Variants in ATP10A observed in about 807,000 individuals in gnomAD.
ATP10A encodes ATPase phospholipid transporting 10A (putative).
A neutral mutation model predicts 147.8 loss-of-function variants in ATP10A; 111 were observed. That is an observed-to-expected ratio of 0.75 (90% CI 0.64 to 0.88). The LOEUF (loss-of-function observed/expected upper bound fraction) is 0.88. ATP10A is among the 40% of genes least tolerant of loss of function. The pLI is 0.00. For missense variants in ATP10A, 1,927 were observed against 1,959.0 expected (o/e 0.98, Z 0.31); for synonymous variants, 875 against 841.6 (o/e 1.04, Z -0.69).
intron 1 of ATP10A, among the ~76,000 whole-genome samples, chr15:25,817,363 G>A (rs28643490): frequency 0.036 from 5,422 of 152,274 alleles, 203 homozygotes; most frequent in African/African-American, 0.097. Context: ...GATTGCAGGC[G>A]TGAGCCACCG....
rs28377484 is a variant in ATP10A at position 25,723,894 on chromosome 15, C to T, written c.1107G>A (p.Leu369=). The change falls in exon 6 of 21, where the codon CTG becomes CTA. Residue 369 remains leucine, a synonymous_variant. Coordinates refer to ENST00000555815, the MANE Select transcript of ATP10A (RefSeq NM_024490.4). The part of the protein sequence containing the change: ...VYSFLTMIIV[L]QVLIPISLYV... ...GTACGATACTTAGTATTGTTACCTGCAGAACTATTATCATTGTTAAAAATG... is the reference window on the plus strand; with the variant it reads ...GTACGATACTTAGTATTGTTACCTGTAGAACTATTATCATTGTTAAAAATG... 1.6e-3 allele frequency: 2,512 copies of T among 1,597,462 alleles called. 36 individuals are homozygous for T. The African/African-American group carries it at 0.025, about 16-fold the overall frequency.
At chr15:25,760,842 T>C (rs1888722796) in intron 2 of ATP10A, among the ~76,000 whole-genome samples, 1 of 152,166 alleles carries the variant, frequency 6.6e-6, no homozygotes, top group Non-Finnish European at 1.5e-5. Flanking sequence ...CATACATACA[T>C]ACATACAAGC....
intron 1 of ATP10A, among the ~76,000 whole-genome samples, chr15:25,840,356 C>T (rs762613060): frequency 1.3e-5 from 2 of 152,132 alleles, no homozygotes; most frequent in Non-Finnish European, 2.9e-5. Flanking sequence ...CACCCTCCAC[C>T]CTCAGGTAGA....
intron 1 of ATP10A, among the ~76,000 whole-genome samples, chr15:25,813,585 A>C (rs1304535369): frequency 2.6e-5 from 4 of 152,244 alleles, no homozygotes; most frequent in Non-Finnish European, 5.9e-5. Flanking sequence ...GGCAGTGATG[A>C]TAAAAGGAAT....
At chr15:25,721,505 C>T (rs1428389963) in intron 7 of ATP10A, 152 bp downstream of exon 7, 23 of 1,168,042 alleles carry the variant, frequency 2.0e-5, no homozygotes, top group South Asian at 1.2e-4. Context: ...GTGACAGCCA[C>T]GTCTTTATAC....
At chr15:25,829,535 A>T (rs1421472769) in intron 1 of ATP10A, among the ~76,000 whole-genome samples, 1 of 152,210 alleles carries the variant, frequency 6.6e-6, no homozygotes, top group Non-Finnish European at 1.5e-5. Flanking sequence ...AAGAGTTAAC[A>T]TTCTAATGCG....
intron 1 of ATP10A, among the ~76,000 whole-genome samples, chr15:25,830,356 C>T (rs559416818): frequency 4.3e-4 from 66 of 152,282 alleles, no homozygotes; most frequent in African/African-American, 1.5e-3. Context: ...CTATTGTGCC[C>T]TGAAACTAGC....
At chr15:25,854,884 C>A (rs1368547200) in intron 1 of ATP10A, among the ~76,000 whole-genome samples, 1 of 152,030 alleles carries the variant, frequency 6.6e-6, no homozygotes, top group African/African-American at 2.4e-5. Context: ...ATGGTGAAAC[C>A]CAGTCTCTAC....
chr15:25,834,497 G>C (rs1472994229), intron 1 of ATP10A, among the ~76,000 whole-genome samples: 1 of 152,220 alleles, frequency 6.6e-6, no homozygotes, highest in Admixed American at 6.5e-5. Context: ...GAAACAGACA[G>C]GTAAGCATTG....
At chr15:25,728,970 C>G (rs1029337233) in intron 3 of ATP10A, among the ~76,000 whole-genome samples, 8 of 152,180 alleles carry the variant, frequency 5.3e-5, no homozygotes, top group African/African-American at 1.9e-4. Flanking sequence ...CTGCCTTGGG[C>G]TTCTGAGAGA....
intron 1 of ATP10A, among the ~76,000 whole-genome samples, chr15:25,796,796 G>C (rs986388923): frequency 6.6e-6 from 1 of 152,238 alleles, no homozygotes; most frequent in Non-Finnish European, 1.5e-5. Context: ...GGTGACAGCC[G>C]TAATTTGAGC....
chr15:25,814,670 G>A (rs1211546454), intron 1 of ATP10A, among the ~76,000 whole-genome samples: 1 of 152,226 alleles, frequency 6.6e-6, no homozygotes, highest in African/African-American at 2.4e-5. Context: ...AGCTGGGCAG[G>A]TGGGAGTCAG....
intron 2 of ATP10A, among the ~76,000 whole-genome samples, chr15:25,736,720 G>A (rs1361213183): frequency 6.6e-6 from 1 of 152,090 alleles, no homozygotes. Context: ...ATAAAACAGA[G>A]CCTGGCTCAT....
At chr15:25,817,283 A>G (rs962896561) in intron 1 of ATP10A, among the ~76,000 whole-genome samples, 1 of 152,006 alleles carries the variant, frequency 6.6e-6, no homozygotes, top group African/African-American at 2.4e-5. Flanking sequence ...GGGTTTCACC[A>G]TGTTGGTCAG....
intron 2 of ATP10A, among the ~76,000 whole-genome samples, chr15:25,753,565 C>T (rs1317120008): frequency 6.6e-6 from 1 of 151,958 alleles, no homozygotes; most frequent in Admixed American, 6.6e-5. Context: ...CACCCCCCCA[C>T]AAGTCACTCT....
At chr15:25,725,578 G>A (rs1389299753) in intron 5 of ATP10A, among the ~76,000 whole-genome samples, 1 of 151,992 alleles carries the variant, frequency 6.6e-6, no homozygotes, top group East Asian at 1.9e-4. Context: ...TTGAGTGCTA[G>A]GTTTGCATGT....
intron 7 of ATP10A, 145 bp from the exon 8 acceptor site, chr15:25,718,544 C>G (rs1399616745): frequency 2.6e-6 from 2 of 778,548 alleles, no homozygotes; most frequent in Non-Finnish European, 4.1e-6. Flanking sequence ...AATAGCAAGG[C>G]ACGGAGAACA....
chr15:25,726,053 T>C lies in ATP10A; in HGVS notation c.877A>G (p.Ser293Gly). ...TTGCTGCGCTTGTAGCGGGGCCCAC[T>C]GTTGTTCAGCAGAGCCTTGGTTTCA... The part of the protein sequence containing the change: ...GHETKALLNN[S>G]GPRYKRSKLE... The change falls in exon 5 of 21, where the codon AGT (serine) becomes GGT (glycine). Residue 293 changes from serine to glycine, a missense_variant. Physicochemically the swap from Ser to Gly is moderately conservative, Grantham distance 56 (BLOSUM62 0). Coordinates refer to ENST00000555815, the MANE Select transcript of ATP10A (RefSeq NM_024490.4). 3.1e-6 allele frequency: 5 copies of C among 1,614,072 alleles called. No homozygotes were observed. The highest frequency in any genetic ancestry group is 3.4e-6 in the Non-Finnish European group (4 of 1,179,970).
chr15:25,795,937 C>T (rs988069524), intron 1 of ATP10A, among the ~76,000 whole-genome samples: 6 of 152,088 alleles, frequency 3.9e-5, no homozygotes, highest in Admixed American at 3.9e-4. Flanking sequence ...TGGCACCCCC[C>T]TCCTCACCCC....
Sources: gnomAD v4.1 joint callset for allele counts (sites outside exome capture counted in the v4.1 genomes callset) on GRCh38, gnomAD v4.1.1 for gene constraint, MANE v1.5 for transcripts, NCBI Gene and HGNC (gene_info 2026-07-23, HGNC 2026-07-21) for gene names.